OR11A1: variants seen among roughly 807,000 people sequenced by gnomAD.
OR11A1 encodes olfactory receptor family 11 subfamily A member 1, also known as olfactory receptor 11A1.
For missense variants in OR11A1, 380 were observed against 378.2 expected (o/e 1.00, Z -0.04); for synonymous variants, 158 against 152.2 (o/e 1.04, Z -0.28).
intron 1 of OR11A1, among the ~76,000 whole-genome samples, chr6:29,448,489 G>A (rs1257378773): frequency 6.6e-6 from 1 of 152,152 alleles, no homozygotes; most frequent in African/African-American, 2.4e-5. Flanking sequence ...GGTCACTTGA[G>A]AAAATCATGA....
At chr6:29,439,971 T>C (rs1783966903) in intron 1 of OR11A1, 1 of 1,504,624 alleles carries the variant, frequency 6.6e-7, no homozygotes, top group African/African-American at 1.4e-5. Flanking sequence ...TTGTGATTTT[T>C]CCTTGCCATT....
In OR11A1 at chr6:29,425,766, T is replaced by G. The variant is rs567075211; in HGVS notation, c.*928A>C. 2.6e-5 allele frequency: 4 copies of G among 152,296 alleles called. No homozygotes were observed. Among genetic ancestry groups the G allele is most frequent in the African/African-American group, 9.6e-5 (4 of 41,564 alleles). The allele number at this position is 152,296 out of a possible 1,614,324, so 9.4% of individuals were successfully genotyped here. A position where few individuals can be genotyped will look rare whatever the true frequency, so the allele number is the denominator to read the frequency against. On this transcript the variant is annotated 3_prime_UTR_variant, in exon 5 of 5. Transcript: ENST00000377149. ...TCTTCTCTTTTATGTATGTTTGAAA[T>G]GTTCTACAAGAAAAGAAGTTTAAAA...
At chr6:29,454,285 T>C (rs1249807687) in intron 1 of OR11A1, among the ~76,000 whole-genome samples, 2 of 152,126 alleles carry the variant, frequency 1.3e-5, no homozygotes, top group Non-Finnish European at 2.9e-5. Flanking sequence ...ATGGACAATA[T>C]AGTCTTTCAT....
rs147036236 is a variant in OR11A1 at position 29,440,712 on chromosome 6, C to T, written c.-388-8725G>A. On this transcript the variant is annotated intron_variant, in intron 1 of 4. Transcript: ENST00000377149. The stretch of plus-strand genomic sequence containing the variant: ...CTTCCGGATCCCATCTGTTGCGGGC[C>T]GCCGCAAGGCCTTCTCCACCTGCTC... 5.6e-6 allele frequency: 9 copies of T among 1,613,738 alleles called. No homozygotes were observed. The highest frequency in any genetic ancestry group is 3.4e-6 in the Non-Finnish European group (4 of 1,179,752).
At chr6:29,433,127 G>A (rs1284439531) in intron 1 of OR11A1, among the ~76,000 whole-genome samples, 1 of 151,966 alleles carries the variant, frequency 6.6e-6, no homozygotes, top group African/African-American at 2.4e-5. Context: ...TATACATCAT[G>A]GAATGACAAA....
chr6:29,440,653 T>A, intron 1 of OR11A1: 2 of 1,614,164 alleles, frequency 1.2e-6, no homozygotes, highest in Non-Finnish European at 1.7e-6. Flanking sequence ...TTTGGCCTCA[T>A]CCTGGGCTCC....
rs544672954 is a variant in OR11A1, at chr6:29,448,018, T to C, written c.-389+8969A>G. On this transcript the variant is annotated intron_variant, in intron 1 of 4. Transcript: ENST00000377149. Reference sequence around the variant, plus strand: ...GATCAACATGACCCTTTCTTTTTTTTTTTTTTTTTTTTTTTTGAGAAGGAG... The same window carrying C: ...GATCAACATGACCCTTTCTTTTTTTCTTTTTTTTTTTTTTTTGAGAAGGAG... Among the ~76,000 whole-genome samples, 575 of 140,998 alleles carry C rather than the reference T, an allele frequency of 4.1e-3. 4 individuals are homozygous for C. Among genetic ancestry groups the C allele is most frequent in the African/African-American group, 9.7e-3 (370 of 37,996 alleles). The allele number at this position is 140,998 out of a possible 152,430, so 92.5% of individuals were successfully genotyped here.
chr6:29,432,590 C>T (rs996884514), intron 1 of OR11A1, among the ~76,000 whole-genome samples: 7 of 152,244 alleles, frequency 4.6e-5, no homozygotes, highest in South Asian at 2.1e-4. Flanking sequence ...CTTGCCAATG[C>T]TGAGCCTGAT....
intron 3 of OR11A1, 66 bp from the exon 4 acceptor site, chr6:29,429,026 C>G: frequency 5.0e-6 from 2 of 398,656 alleles, no homozygotes; most frequent in South Asian, 1.1e-4. Context: ...AGAAAAAAAG[C>G]AGATATCATA....
At chr6:29,429,684 T>C (rs576944660) in intron 3 of OR11A1, among the ~76,000 whole-genome samples, 1 of 152,022 alleles carries the variant, frequency 6.6e-6, no homozygotes, top group South Asian at 2.1e-4. Context: ...AGAAACAACA[T>C]TGGATGTGAG....
chr6:29,456,896 G>A (rs1315968802), intron 1 of OR11A1, 91 bp downstream of exon 1: 2 of 152,136 alleles, frequency 1.3e-5, no homozygotes. Flanking sequence ...CATAGTAGAT[G>A]TATCTATTTT....
intron 1 of OR11A1, among the ~76,000 whole-genome samples, chr6:29,438,027 T>C (rs1366689921): frequency 5.3e-5 from 8 of 152,158 alleles, no homozygotes; most frequent in Admixed American, 6.5e-5. Flanking sequence ...AATGATAAAA[T>C]ATAAAGGAGT....
Position 29,440,755 on chromosome 6 carries a change from T to C in OR11A1, c.-388-8768A>G, listed in dbSNP as rs1361609323. On this transcript the variant is annotated intron_variant, in intron 1 of 4. Transcript: ENST00000377149. ...ACCTGCTCCTCCCACCTGATCATGG[T>C]CTCCCTCTTCTATGGCACCGCACTC... is the stretch of plus-strand genomic sequence containing the variant. 6.2e-6 allele frequency: 10 copies of C among 1,613,924 alleles called. No individual in the cohort carries two copies. The South Asian group carries it at 6.6e-5, about 11-fold the overall frequency.
intron 1 of OR11A1, among the ~76,000 whole-genome samples, chr6:29,451,173 T>C (rs1785334518): frequency 6.6e-6 from 1 of 152,226 alleles, no homozygotes; most frequent in African/African-American, 2.4e-5. Flanking sequence ...AACTGGACCC[T>C]TTCCTTTCAC....
intron 4 of OR11A1, chr6:29,428,465 T>G: frequency 3.2e-6 from 3 of 936,702 alleles, no homozygotes; most frequent in African/African-American, 1.8e-5. Context: ...AATTAAGAGT[T>G]GGCCAGGAGG....
chr6:29,444,511 C>T (rs368144047), intron 1 of OR11A1, among the ~76,000 whole-genome samples: 1 of 152,154 alleles, frequency 6.6e-6, no homozygotes, highest in South Asian at 2.1e-4. Flanking sequence ...AACATAAAGG[C>T]TAAATCAAAT....
chr6:29,428,824 G>C (rs1447690094), intron 4 of OR11A1, 89 bp downstream of exon 4: 2 of 256,746 alleles, frequency 7.8e-6, no homozygotes, highest in Admixed American at 6.7e-5. Flanking sequence ...AGACCAGGCA[G>C]GGCATCCCTG....
At chr6:29,438,424 C>A (rs1423873412) in intron 1 of OR11A1, among the ~76,000 whole-genome samples, 1 of 151,916 alleles carries the variant, frequency 6.6e-6, no homozygotes, top group Non-Finnish European at 1.5e-5. Context: ...CTGCAAGGGA[C>A]CCTATAAATA....
Position 29,427,078 on chromosome 6 carries a change from C to T in OR11A1, c.564G>A (p.Leu188=), listed in dbSNP as rs1207802686. Residue 188 remains leucine, a synonymous_variant, in exon 5 of 5, where the codon CTG becomes CTA. Transcript: ENST00000377149. ...FYCDFMLFVG[L]ACSDPRVAQV... ...GAGCCACTCTGGGATCCGAGCAAGC[C>T]AGGCCCACGAAAAGCATAAAGTCAC... 1.9e-6 allele frequency: 3 copies of T among 1,612,278 alleles called. No homozygotes were observed. Among genetic ancestry groups the T allele is most frequent in the African/African-American group, 2.7e-5 (2 of 74,904 alleles).
Sources: allele counts gnomAD v4.1 joint callset (sites outside exome capture counted in the v4.1 genomes callset), GRCh38; gene constraint gnomAD v4.1.1; transcripts MANE v1.5; gene names NCBI Gene and HGNC (gene_info 2026-07-23, HGNC 2026-07-21).